The following COL23A1 variants were observed in gnomAD, a reference collection of about 807,000 sequenced individuals.
The protein encoded by COL23A1 is collagen alpha-1(XXIII) chain.
Under a neutral mutation model 99.3 loss-of-function variants are expected in COL23A1, and 97 were observed. The ratio of observed to expected loss-of-function variants is 0.98; its 90% CI spans 0.83 to 1.16. The LOEUF is 1.16. Among genes scored for constraint, COL23A1 ranks in the 50% most tolerant of loss-of-function variants. The probability of loss-of-function intolerance (pLI) is 0.00; values close to 1 mark genes in which losing one functional copy is unlikely to be tolerated. For missense variants in COL23A1, 762 were observed against 757.4 expected (o/e 1.01, Z -0.07); for synonymous variants, 320 against 308.2 (o/e 1.04, Z -0.40).
At chr5:178,318,902 C>CAAA (rs34021116) in intron 2 of COL23A1, among the ~76,000 whole-genome samples, 5 of 137,044 alleles carry the variant, frequency 3.6e-5, no homozygotes, top group African/African-American at 1.1e-4. Flanking sequence ...ACTTCATCTC[C>CAAA]AAAAAAAAAA....
At chr5:178,379,907 G>T (rs919045323) in intron 2 of COL23A1, among the ~76,000 whole-genome samples, 31 of 150,972 alleles carry the variant, frequency 2.1e-4, no homozygotes, top group Non-Finnish European at 1.6e-4. Context: ...AAAAGAAAAA[G>T]AAAACAAAAA....
chr5:178,430,215 C>T (rs575869512), intron 2 of COL23A1, among the ~76,000 whole-genome samples: 2 of 152,274 alleles, frequency 1.3e-5, no homozygotes, highest in East Asian at 1.9e-4. Flanking sequence ...TCCTGTCTCC[C>T]GAGAACGATC....
chr5:178,320,518 G>A (rs576290667), intron 2 of COL23A1, among the ~76,000 whole-genome samples: 64 of 152,346 alleles, frequency 4.2e-4, no homozygotes, highest in Admixed American at 1.6e-3. Flanking sequence ...AGGATGCTGA[G>A]GTCTGAGGAA....
intron 1 of COL23A1, among the ~76,000 whole-genome samples, chr5:178,583,202 T>G (rs1313165584): frequency 7.2e-5 from 11 of 152,322 alleles, no homozygotes; most frequent in African/African-American, 2.6e-4. Context: ...TAAACCCAAA[T>G]TTATCAATGT....
In COL23A1 at chr5:178,246,375, C is replaced by T. The variant is rs777150646; in HGVS notation, c.1359+16G>A. ...GAATTAACACCTTTGGGACAAACAACGCTTGTGAGACTCACAGGCAGGCCG... is the reference window on the plus strand; with the variant it reads ...GAATTAACACCTTTGGGACAAACAATGCTTGTGAGACTCACAGGCAGGCCG... On this transcript the variant is annotated intron_variant, in intron 23 of 28. Coordinates refer to ENST00000390654, the MANE Select transcript of COL23A1 (RefSeq NM_173465.4). 36 of 1,573,066 alleles carry T rather than the reference C, an allele frequency of 2.3e-5. No individual in the cohort carries two copies. The highest frequency in any genetic ancestry group is 1.7e-4 in the Middle Eastern group (1 of 6,032).
intron 2 of COL23A1, among the ~76,000 whole-genome samples, chr5:178,462,237 TC>T (rs984059351): frequency 6.6e-6 from 1 of 151,872 alleles, no homozygotes; most frequent in Non-Finnish European, 1.5e-5. Flanking sequence ...TCCAAGAGGT[TC>T]CCCCCCACCC....
rs74274474 is a variant in COL23A1 at position 178,353,939 on chromosome 5, TAAAA to T, written c.362-47024_362-47021del. Among the ~76,000 whole-genome samples, 71 of 142,552 alleles carry T rather than the reference TAAAA, an allele frequency of 5.0e-4. 1 individual carries two copies. The highest frequency in any genetic ancestry group is 3.6e-3 in the Middle Eastern group (1 of 278). 93.5% of individuals were successfully genotyped at this position (142,552 alleles called of 152,430 possible). ...TGTGTATGTTGTGCTACCGTTGAGT[TAAAA>T]AAAAAAAAAAACCAAAAAAACCCCA... On this transcript the variant is annotated intron_variant, in intron 2 of 28. Coordinates refer to ENST00000390654, the MANE Select transcript of COL23A1 (RefSeq NM_173465.4).
At chr5:178,252,632 G>C (rs956906603) in intron 16 of COL23A1, 35 bp from the exon 17 acceptor site, 1 of 1,580,280 alleles carries the variant, frequency 6.3e-7, no homozygotes, top group Admixed American at 1.8e-5. Flanking sequence ...AGTGTCATGG[G>C]TTAGGCAGGG....
Position 178,404,517 on chromosome 5 carries a change from A to G in COL23A1, c.362-97598T>C, listed in dbSNP as rs559965298. On this transcript the variant is annotated intron_variant, in intron 2 of 28. Coordinates refer to ENST00000390654, the MANE Select transcript of COL23A1 (RefSeq NM_173465.4). ...ACAGACAAAGGCACCAAGGCATGAA[A>G]TTGAAATAACATGAAAATTTGAGGG... is the stretch of plus-strand genomic sequence containing the variant. Among the ~76,000 whole-genome samples the G allele has an allele frequency of 5.9e-5, 5 of 84,440 alleles. No individual in the cohort carries two copies. In the South Asian group the frequency reaches 2.3e-3, roughly 39 times the overall value. 55.4% of individuals were successfully genotyped at this position (84,440 alleles called of 152,430 possible).
chr5:178,457,905 C>T lies in COL23A1; in HGVS notation c.361+102777G>A, dbSNP rs535384745. Among the ~76,000 whole-genome samples the T allele has an allele frequency of 6.4e-4, 98 of 152,292 alleles. 1 individual carries two copies. Among genetic ancestry groups the T allele is most frequent in the Middle Eastern group, 3.4e-3 (1 of 294 alleles). ...TTTATCTTAAAAACAAATAGGCAAA[C>T]GTTTTCTAGTTCTGTGCTGAAAAGG... On this transcript the variant is annotated intron_variant, in intron 2 of 28. Transcript: ENST00000390654.
At chr5:178,262,799 C>T (rs184016876) in intron 9 of COL23A1, among the ~76,000 whole-genome samples, 1 of 152,212 alleles carries the variant, frequency 6.6e-6, no homozygotes, top group African/African-American at 2.4e-5. Flanking sequence ...AGCTTAGGGT[C>T]TCTGGGTCTG....
In COL23A1 at chr5:178,468,894, C is replaced by T. The variant is rs561092398; in HGVS notation, c.361+91788G>A. 9.6e-4 allele frequency among the ~76,000 whole-genome samples: 147 copies of T among 152,338 alleles called. No homozygotes were observed. The highest frequency in any genetic ancestry group is 1.8e-3 in the Non-Finnish European group (124 of 68,032). On this transcript the variant is annotated intron_variant, in intron 2 of 28. Coordinates refer to ENST00000390654, the MANE Select transcript of COL23A1 (RefSeq NM_173465.4). This position sits in a 1 kb window ranked among gnomAD's most constrained non-coding sequence, Gnocchi z 4.2. ...CATCTTCCCCTGCTGAAACTCTGCACCCATTAAACACCAACTCCCCACTCC... is the reference window on the plus strand; with the variant it reads ...CATCTTCCCCTGCTGAAACTCTGCATCCATTAAACACCAACTCCCCACTCC...
chr5:178,292,922 G>C (rs929960167), intron 3 of COL23A1, among the ~76,000 whole-genome samples: 19 of 152,248 alleles, frequency 1.2e-4, no homozygotes, highest in African/African-American at 4.6e-4. Context: ...GGGAGTGATC[G>C]CCTGTGCACA....
At chr5:178,248,702 T>C (rs574381906) in intron 19 of COL23A1, among the ~76,000 whole-genome samples, 1 of 152,182 alleles carries the variant, frequency 6.6e-6, no homozygotes, top group Non-Finnish European at 1.5e-5. Context: ...ACGCATGCCC[T>C]TGAGGGAGGG....
intron 2 of COL23A1, among the ~76,000 whole-genome samples, chr5:178,529,767 G>C (rs1760537024): frequency 6.6e-6 from 1 of 152,140 alleles, no homozygotes; most frequent in African/African-American, 2.4e-5. Flanking sequence ...AGTGGGGCCA[G>C]ACCTCAGGCC....
chr5:178,539,545 C>CAAAAAAAAAAAAAAAAAA (rs58424731), intron 2 of COL23A1, among the ~76,000 whole-genome samples: 2 of 78,386 alleles, frequency 2.6e-5, no homozygotes, highest in Non-Finnish European at 4.7e-5. Flanking sequence ...GACTCTGTCT[C>CAAAAAAAAAAAAAAAAAA]AAAAAAAAAA....
In COL23A1 at chr5:178,307,010, C is replaced by A. The variant is rs999509892; in HGVS notation, c.362-91G>T. 1.7e-5 allele frequency: 16 copies of A among 964,878 alleles called. No individual in the cohort carries two copies. Among genetic ancestry groups the A allele is most frequent in the African/African-American group, 1.2e-4 (7 of 57,734 alleles). The allele number at this position is 964,878 out of a possible 1,614,324, so 59.8% of individuals were successfully genotyped here. A position where few individuals can be genotyped will look rare whatever the true frequency, so the allele number is the denominator to read the frequency against. ...TGCCCCAGCCACCCACCTGTCCGCT[C>A]GCAACAGCTTTCTGGGAGTGGCCTG... is the stretch of plus-strand genomic sequence containing the variant. On this transcript the variant is annotated intron_variant, in intron 2 of 28. Transcript: ENST00000390654. This position sits in a 1 kb window ranked among gnomAD's most constrained non-coding sequence, Gnocchi z 4.2.
Position 178,365,190 on chromosome 5 carries a change from T to C in COL23A1, c.362-58271A>G, listed in dbSNP as rs1484853310. On this transcript the variant is annotated intron_variant, in intron 2 of 28. Coordinates refer to ENST00000390654, the MANE Select transcript of COL23A1 (RefSeq NM_173465.4). The surrounding 1 kb of genome is among the most constrained non-coding windows in gnomAD (Gnocchi z 5.2). ...GTGTGTGATAAATAAGCAAAATTGT[T>C]TTCCTGGGACTCCATCCAGGAACAT... Among the ~76,000 whole-genome samples, 1 of 150,030 alleles carries C rather than the reference T, an allele frequency of 6.7e-6. No homozygotes were observed. Among genetic ancestry groups the C allele is most frequent in the Non-Finnish European group, 1.5e-5 (1 of 67,710 alleles).
intron 1 of COL23A1, among the ~76,000 whole-genome samples, chr5:178,568,791 T>C (rs991598285): frequency 1.3e-5 from 2 of 152,238 alleles, no homozygotes; most frequent in African/African-American, 4.8e-5. Flanking sequence ...CTGAATAATA[T>C]TGCATGGTGT....
Sources: gnomAD v4.1 joint callset for allele counts (sites outside exome capture counted in the v4.1 genomes callset) on GRCh38, gnomAD v4.1.1 for gene constraint, Gnocchi (gnomAD v3.1) non-coding constraint, MANE v1.5 for transcripts, NCBI Gene and HGNC (gene_info 2026-07-23, HGNC 2026-07-21) for gene names.